The following PCDH15 variants were observed in gnomAD, a reference collection of about 807,000 sequenced individuals.
PCDH15 encodes protocadherin-15.
PCDH15 carries 129 observed loss-of-function variants against 178.5 expected under a neutral mutation model. The ratio of observed to expected loss-of-function variants is 0.72; its 90% CI spans 0.63 to 0.84. The LOEUF is 0.84. Among genes scored for constraint, PCDH15 ranks in the 40% least tolerant of loss-of-function variants. The pLI is 0.00. For missense variants in PCDH15, 2,230 were observed against 2,099.9 expected (o/e 1.06, Z -1.21); for synonymous variants, 800 against 732.0 (o/e 1.09, Z -1.50).
At chr10:54,216,843 T>A (rs975634545) in intron 9 of PCDH15, among the ~76,000 whole-genome samples, 3 of 152,124 alleles carry the variant, frequency 2.0e-5, no homozygotes, top group Admixed American at 2.0e-4. Flanking sequence ...TAAATATACA[T>A]CAATAGTGGT....
intron 2 of PCDH15, among the ~76,000 whole-genome samples, chr10:55,499,260 T>C (rs979585068): frequency 2.0e-5 from 3 of 151,830 alleles, no homozygotes; most frequent in Non-Finnish European, 4.4e-5. Flanking sequence ...AATTTGACAG[T>C]AACAGAAAAC....
chr10:53,877,370 T>G (rs1384335550), intron 26 of PCDH15, among the ~76,000 whole-genome samples: 1 of 152,160 alleles, frequency 6.6e-6, no homozygotes, highest in African/African-American at 2.4e-5. Flanking sequence ...AAAACACACA[T>G]GTAATTTATG....
intron 21 of PCDH15, among the ~76,000 whole-genome samples, chr10:53,972,625 C>T (rs1267444168): frequency 4.4e-4 from 67 of 152,232 alleles, no homozygotes; most frequent in Admixed American, 7.8e-4. Flanking sequence ...AAAAAGTGGG[C>T]AAAGCATATG....
chr10:55,528,052 T>A (rs1215421602), intron 2 of PCDH15, among the ~76,000 whole-genome samples: 1 of 151,808 alleles, frequency 6.6e-6, no homozygotes, highest in African/African-American at 2.4e-5. Flanking sequence ...TTTTTAATTT[T>A]CTCAGACAAG....
intron 2 of PCDH15, among the ~76,000 whole-genome samples, chr10:55,416,232 C>A (rs1016586127): frequency 6.6e-6 from 1 of 151,622 alleles, no homozygotes; most frequent in Non-Finnish European, 1.5e-5. Flanking sequence ...TAGTAACATC[C>A]TCCACAACCC....
chr10:54,383,513 G>A (rs116380942), intron 3 of PCDH15, among the ~76,000 whole-genome samples: 2,596 of 152,086 alleles, frequency 0.017, 71 homozygotes, highest in African/African-American at 0.057. Flanking sequence ...TCAGACTGGT[G>A]TAAATGGGAA....
chr10:54,227,312 G>T (rs11004150), intron 9 of PCDH15, among the ~76,000 whole-genome samples: 6,418 of 152,270 alleles, frequency 0.042, 398 homozygotes, highest in African/African-American at 0.14. Flanking sequence ...TGACTTCTGA[G>T]CACTCACAGG....
intron 1 of PCDH15, among the ~76,000 whole-genome samples, chr10:55,306,212 T>C (rs1289281015): frequency 6.6e-6 from 1 of 152,222 alleles, no homozygotes; most frequent in Non-Finnish European, 1.5e-5. Context: ...GAGCCATCAG[T>C]ATTTTATTAC....
At chr10:54,668,142 T>A (rs2094601896) in intron 1 of PCDH15, among the ~76,000 whole-genome samples, 1 of 152,046 alleles carries the variant, frequency 6.6e-6, no homozygotes, top group East Asian at 1.9e-4. Context: ...CAACAAGTAC[T>A]TATGGAGGGT....
chr10:55,222,761 A>G (rs1564906596), intron 1 of PCDH15, among the ~76,000 whole-genome samples: 2 of 118,826 alleles, frequency 1.7e-5, no homozygotes, highest in Non-Finnish European at 3.8e-5. Flanking sequence ...ATATATATAT[A>G]TATATATGTA....
chr10:53,903,230 T>C lies in PCDH15; in HGVS notation c.3501+13A>G, dbSNP rs727503365. The C allele has an allele frequency of 2.0e-5, 33 of 1,611,914 alleles. No homozygotes were observed. The highest frequency in any genetic ancestry group is 2.7e-5 in the African/African-American group (2 of 74,892). ...TTTACTTTAGTTCTGTATATTAACA[T>C]AATTCCGCATACCTTCACTCTGAGT... On this transcript the variant is annotated intron_variant, in intron 26 of 37. Coordinates refer to ENST00000644397, the MANE Select transcript of PCDH15 (RefSeq NM_001384140.1).
At chr10:53,949,811 C>T (rs2086870322) in intron 23 of PCDH15, among the ~76,000 whole-genome samples, 1 of 152,136 alleles carries the variant, frequency 6.6e-6, no homozygotes, top group Admixed American at 6.6e-5. Flanking sequence ...TAGACCTGCT[C>T]ACTTGCTATT....
intron 1 of PCDH15, among the ~76,000 whole-genome samples, chr10:54,715,888 G>A (rs998280692): frequency 6.6e-6 from 1 of 152,160 alleles, no homozygotes; most frequent in Non-Finnish European, 1.5e-5. Flanking sequence ...TTAGGAATCT[G>A]TGCTGCCCCT....
At chr10:54,399,666 A>G (rs181742330) in intron 3 of PCDH15, among the ~76,000 whole-genome samples, 6 of 152,240 alleles carry the variant, frequency 3.9e-5, no homozygotes, top group Admixed American at 3.9e-4. Context: ...TGGGCCATGC[A>G]AGAGAGTAGA....
chr10:53,932,762 G>T (rs185175300), intron 25 of PCDH15, among the ~76,000 whole-genome samples: 1 of 152,258 alleles, frequency 6.6e-6, no homozygotes, highest in African/African-American at 2.4e-5. Context: ...TTTTGGTCTA[G>T]GTTCTGCTGC....
chr10:53,861,615 A>T (rs1216401158), intron 27 of PCDH15, among the ~76,000 whole-genome samples: 1 of 152,228 alleles, frequency 6.6e-6, no homozygotes, highest in East Asian at 1.9e-4. Flanking sequence ...AAAGATAAAA[A>T]TAATAAGATT....
At chr10:54,380,223 C>A (rs1949011195) in intron 3 of PCDH15, among the ~76,000 whole-genome samples, 1 of 151,988 alleles carries the variant, frequency 6.6e-6, no homozygotes, top group South Asian at 2.1e-4. Flanking sequence ...CTCACATACA[C>A]ATACTTTTGT....
At chr10:55,530,365 T>A (rs1841421934) in intron 2 of PCDH15, among the ~76,000 whole-genome samples, 1 of 151,866 alleles carries the variant, frequency 6.6e-6, no homozygotes. Flanking sequence ...ATATGAATTT[T>A]AAAAAAATTC....
chr10:54,207,529 T>C (rs2384418), intron 10 of PCDH15, among the ~76,000 whole-genome samples: 2 of 151,890 alleles, frequency 1.3e-5, no homozygotes, highest in African/African-American at 4.8e-5. Context: ...TAGACTGACT[T>C]CTTTTTGAGC....
Sources: allele counts gnomAD v4.1 joint callset (sites outside exome capture counted in the v4.1 genomes callset), GRCh38; gene constraint gnomAD v4.1.1; transcripts MANE v1.5; gene names NCBI Gene and HGNC (gene_info 2026-07-23, HGNC 2026-07-21).